The following KTN1 variants were observed in gnomAD, a reference collection of about 807,000 sequenced individuals.
KTN1 encodes the protein kinectin.
KTN1 carries 130 observed loss-of-function variants against 222.5 expected under a neutral mutation model. The ratio of observed to expected loss-of-function variants is 0.58; its 90% CI spans 0.51 to 0.68. KTN1 has a LOEUF of 0.68. KTN1 is among the 30% of genes least tolerant of loss of function. The pLI is 0.00. For missense variants in KTN1, 1,508 were observed against 1,500.4 expected (o/e 1.01, Z -0.08); for synonymous variants, 512 against 496.3 (o/e 1.03, Z -0.42).
chr14:55,653,179 T>G, intron 27 of KTN1, 94 bp downstream of exon 27: 1 of 863,544 alleles, frequency 1.2e-6, no homozygotes, highest in East Asian at 2.5e-5. Flanking sequence ...TGTTCTGAGT[T>G]TCTTTGCCAG....
chr14:55,637,530 G>A (rs1164711054), intron 11 of KTN1, among the ~76,000 whole-genome samples, 166 bp downstream of exon 11: 1 of 151,626 alleles, frequency 6.6e-6, no homozygotes, highest in Non-Finnish European at 1.5e-5. Context: ...GTGTTTGAAG[G>A]TGTGCTCACC....
chr14:55,674,946 T>G (rs904828608), intron 40 of KTN1: 3 of 152,184 alleles, frequency 2.0e-5, no homozygotes, highest in African/African-American at 7.2e-5. Context: ...AACTCAAAGT[T>G]GTGTAAAGGA....
chr14:55,679,501 TG>T (rs2046180132), intron 42 of KTN1, 63 bp from the exon 43 acceptor site: 2 of 1,343,310 alleles, frequency 1.5e-6, no homozygotes, highest in Admixed American at 4.5e-5. Context: ...CATTTTCTGT[TG>T]TTTGGTTTTA....
intron 24 of KTN1, 61 bp from the exon 25 acceptor site, chr14:55,651,829 A>G: frequency 9.3e-7 from 1 of 1,078,066 alleles, no homozygotes; most frequent in African/African-American, 1.6e-5. Context: ...AAAGACTTAT[A>G]AAGCTTAATA....
chr14:55,631,417 G>A (rs1395899240), intron 7 of KTN1, among the ~76,000 whole-genome samples: 1 of 143,070 alleles, frequency 7.0e-6, no homozygotes, highest in Non-Finnish European at 1.5e-5. Flanking sequence ...TTAATATTTT[G>A]AGGCATTATT....
chr14:55,596,777 C>T (rs144401180), intron 1 of KTN1, among the ~76,000 whole-genome samples: 220 of 151,118 alleles, frequency 1.5e-3, no homozygotes, highest in Non-Finnish European at 2.1e-3. Context: ...CCTATTATTG[C>T]GAGTGATGTC....
chr14:55,581,750 G>T (rs889588404), intron 1 of KTN1, among the ~76,000 whole-genome samples: 2 of 145,810 alleles, frequency 1.4e-5, no homozygotes, highest in Non-Finnish European at 2.9e-5. Flanking sequence ...GCAATTGCTG[G>T]TGAGACTTGG....
intron 5 of KTN1, among the ~76,000 whole-genome samples, chr14:55,627,102 T>TAA (rs1317647216): frequency 2.0e-5 from 3 of 152,220 alleles, no homozygotes; most frequent in Admixed American, 1.3e-4. Context: ...TCTTTCCTTA[T>TAA]ATGCTTTGAG....
intron 2 of KTN1, among the ~76,000 whole-genome samples, chr14:55,613,831 T>A (rs2037963071): frequency 6.6e-6 from 1 of 152,140 alleles, no homozygotes; most frequent in South Asian, 2.1e-4. Context: ...AAGAACTACA[T>A]GTTTTAGTTG....
chr14:55,671,615 A>G lies in KTN1; in HGVS notation c.3398A>G (p.Gln1133Arg), dbSNP rs2045460589. ...GCTGATGAAATGCACACATTGTTACAGCTAGAGTGTGAAAAATACAAATCC... is the reference window on the plus strand; with the variant it reads ...GCTGATGAAATGCACACATTGTTACGGCTAGAGTGTGAAAAATACAAATCC... ...KEADEMHTLL[Q>R]LECEKYKSVL... The change falls in exon 36 of 44, where the codon CAG becomes CGG. Residue 1133 changes from glutamine (Q) to arginine (R), a missense_variant. By Grantham distance (43) the Gln-to-Arg change is conservative (BLOSUM62 1). Coordinates refer to ENST00000395314, the MANE Select transcript of KTN1 (RefSeq NM_001079521.2). 1.5e-5 allele frequency: 25 copies of G among 1,613,168 alleles called. No homozygotes were observed. Among genetic ancestry groups the G allele is most frequent in the African/African-American group, 2.7e-5 (2 of 75,022 alleles).
intron 5 of KTN1, among the ~76,000 whole-genome samples, chr14:55,624,662 G>C (rs1362883046): frequency 6.6e-6 from 1 of 152,148 alleles, no homozygotes; most frequent in Non-Finnish European, 1.5e-5. Flanking sequence ...GTGATAGAAG[G>C]CTCAAGAATG....
intron 1 of KTN1, among the ~76,000 whole-genome samples, chr14:55,605,599 G>A (rs1311840452): frequency 6.6e-6 from 1 of 152,194 alleles, no homozygotes; most frequent in Non-Finnish European, 1.5e-5. Context: ...AAAGCCATGT[G>A]AGAAGAAACT....
chr14:55,675,098 A>G (rs369387599), intron 40 of KTN1: 1 of 152,180 alleles, frequency 6.6e-6, no homozygotes, highest in East Asian at 1.9e-4. Flanking sequence ...TTGGGCCTCT[A>G]GAACTGTTTC....
At chr14:55,666,468 T>G (rs1252445568) in intron 33 of KTN1, among the ~76,000 whole-genome samples, 4 of 151,894 alleles carry the variant, frequency 2.6e-5, no homozygotes, top group African/African-American at 9.7e-5. Flanking sequence ...CATTTTTGTT[T>G]TTGGTGCGTG....
intron 1 of KTN1, among the ~76,000 whole-genome samples, chr14:55,580,708 C>G (rs1405312509): frequency 1.1e-4 from 17 of 152,118 alleles, no homozygotes; most frequent in Non-Finnish European, 4.4e-5. Flanking sequence ...CGAGCGGGCC[C>G]TGGGGTGACC....
At chr14:55,671,045 T>C (rs980597709) in intron 35 of KTN1, among the ~76,000 whole-genome samples, 1 of 152,190 alleles carries the variant, frequency 6.6e-6, no homozygotes, top group Non-Finnish European at 1.5e-5. Flanking sequence ...ATTTTAATTG[T>C]TTCTAAAATT....
chr14:55,640,470 A>C, intron 15 of KTN1, 28 bp downstream of exon 15: 1 of 1,512,378 alleles, frequency 6.6e-7, no homozygotes, highest in Non-Finnish European at 9.1e-7. Flanking sequence ...TTGAGCATTG[A>C]TCTCAGAATT....
intron 1 of KTN1, among the ~76,000 whole-genome samples, chr14:55,604,335 T>G (rs1594788313): frequency 6.6e-6 from 1 of 152,188 alleles, no homozygotes; most frequent in African/African-American, 2.4e-5. Context: ...GCACCATGGC[T>G]CTATCTTTAA....
At chr14:55,670,224 T>A (rs2045322404) in intron 34 of KTN1, among the ~76,000 whole-genome samples, 1 of 152,036 alleles carries the variant, frequency 6.6e-6, no homozygotes, top group Non-Finnish European at 1.5e-5. Context: ...AATTTTAGAG[T>A]CCTTGGAGCA....
Sources: gnomAD v4.1 joint callset for allele counts (sites outside exome capture counted in the v4.1 genomes callset) on GRCh38, gnomAD v4.1.1 for gene constraint, MANE v1.5 for transcripts, NCBI Gene and HGNC (gene_info 2026-07-23, HGNC 2026-07-21) for gene names.